The following PTBP3 variants were observed in gnomAD, a reference collection of about 807,000 sequenced individuals.
PTBP3 encodes polypyrimidine tract-binding protein 3.
A neutral mutation model predicts 58.7 loss-of-function variants in PTBP3; 20 were observed. The observed-to-expected ratio is 0.34, with a 90% CI of 0.24 to 0.50. The LOEUF (loss-of-function observed/expected upper bound fraction) is 0.50. PTBP3 is among the 20% of genes least tolerant of loss of function. PTBP3 has a pLI of 0.98. For synonymous variants in PTBP3, 185 were observed against 219.8 expected (o/e 0.84, Z 1.40); for missense variants, 509 against 637.2 (o/e 0.80, Z 2.17).
At chr9:112,323,216 G>A (rs1830023241) in intron 1 of PTBP3, among the ~76,000 whole-genome samples, 1 of 152,182 alleles carries the variant, frequency 6.6e-6, no homozygotes. Context: ...TCATGCCACT[G>A]CACTCTAGCC....
intron 7 of PTBP3, among the ~76,000 whole-genome samples, chr9:112,236,341 T>C (rs1835437440): frequency 6.6e-6 from 1 of 152,120 alleles, no homozygotes; most frequent in Admixed American, 6.6e-5. Flanking sequence ...GTTGAGAGCA[T>C]ATCATGAGCT....
rs1454087572 is a variant in PTBP3, at chr9:112,218,774, T to G, written c.*5077A>C. ...CAATTGATGTTTTATATAAAACCACTTTATAAGTTCATTTGTTCCCAAAAA... is the reference window on the plus strand; with the variant it reads ...CAATTGATGTTTTATATAAAACCACGTTATAAGTTCATTTGTTCCCAAAAA... On this transcript the variant is annotated 3_prime_UTR_variant, in exon 14 of 14. Transcript: ENST00000374257. 2 of 152,658 alleles carry G rather than the reference T, an allele frequency of 1.3e-5. No individual in the cohort carries two copies. Among genetic ancestry groups the G allele is most frequent in the African/African-American group, 4.8e-5 (2 of 41,456 alleles). 9.5% of individuals were successfully genotyped at this position (152,658 alleles called of 1,614,324 possible). A position where few individuals can be genotyped will look rare whatever the true frequency, so the allele number is the denominator to read the frequency against.
chr9:112,272,203 C>G (rs1384508213), intron 3 of PTBP3, among the ~76,000 whole-genome samples: 2 of 152,088 alleles, frequency 1.3e-5, no homozygotes, highest in Non-Finnish European at 2.9e-5. Flanking sequence ...GCTGGGACTA[C>G]AGGTGGGTGC....
intron 1 of PTBP3, among the ~76,000 whole-genome samples, chr9:112,318,747 G>C (rs1829803547): frequency 6.8e-6 from 1 of 147,716 alleles, no homozygotes; most frequent in African/African-American, 2.5e-5. Context: ...GCAACAGAGT[G>C]AGACTGTCTC....
intron 1 of PTBP3, chr9:112,332,721 CCATTAAATTTTTGAG>C: frequency 6.3e-7 from 1 of 1,587,808 alleles, no homozygotes; most frequent in East Asian, 2.3e-5. Flanking sequence ...TCACGGACCC[CCATTAAATTTTTGAG>C]CATTTGAAAT....
the PTBP3 span, among the ~76,000 whole-genome samples, chr9:112,356,398 G>A: frequency 6.6e-6 from 1 of 152,092 alleles, no homozygotes; most frequent in Admixed American, 6.6e-5. Context: ...GAGGTGCAGT[G>A]TTTTTGCTGG....
the PTBP3 span, among the ~76,000 whole-genome samples, chr9:112,347,341 C>CTTT: frequency 0.028 from 3,636 of 130,828 alleles, 149 homozygotes; most frequent in African/African-American, 0.08. Flanking sequence ...ACTGGGATAC[C>CTTT]TTTTTTTTTT....
chr9:112,291,797 C>T (rs1828442743), intron 2 of PTBP3, among the ~76,000 whole-genome samples: 1 of 152,154 alleles, frequency 6.6e-6, no homozygotes, highest in Admixed American at 6.5e-5. Flanking sequence ...AGCTTCATGA[C>T]AGTGGATTTG....
At chr9:112,298,445 T>A (rs147751329) in intron 1 of PTBP3, 171 of 377,484 alleles carry the variant, frequency 4.5e-4, no homozygotes, top group African/African-American at 3.4e-3. Flanking sequence ...TTACTCTTTT[T>A]TTCAGGTAAG....
intron 1 of PTBP3, among the ~76,000 whole-genome samples, chr9:112,314,738 G>A (rs547063282): frequency 1.9e-4 from 29 of 151,870 alleles, no homozygotes; most frequent in Middle Eastern, 3.5e-3. Context: ...CTACAATTGC[G>A]GACAGAAATT....
At position 112,220,832 on chromosome 9, in the gene PTBP3, G is replaced by A. The variant is rs1250085207; in HGVS notation, c.*3019C>T. 25 of 971,262 alleles carry A rather than the reference G, an allele frequency of 2.6e-5. No individual in the cohort carries two copies. Among genetic ancestry groups the A allele is most frequent in the Non-Finnish European group, 2.9e-5 (24 of 817,288 alleles). 60.2% of individuals were successfully genotyped at this position (971,262 alleles called of 1,614,324 possible). On this transcript the variant is annotated 3_prime_UTR_variant, in exon 14 of 14. Transcript: ENST00000374257. ...CTGAATATATATACTTTGTGTAGAA[G>A]TCAAGACACCTTGAAAAGTGATGAC...
rs377730562 is a variant in PTBP3 at position 112,262,845 on chromosome 9, A to C, written c.352-246T>G. On this transcript the variant is annotated intron_variant, in intron 4 of 13. Transcript: ENST00000374257. ...CTTGAAGAATAAAAACACATGGATA[A>C]AAGGAGAAAATCTGGATGTAATTTT... Among the ~76,000 whole-genome samples, 42 of 152,346 alleles carry C rather than the reference A, an allele frequency of 2.8e-4. No individual in the cohort carries two copies. In the South Asian group the frequency reaches 8.5e-3, roughly 31 times the overall value.
At chr9:112,375,646 T>C in the PTBP3 span, among the ~76,000 whole-genome samples, 4 of 152,112 alleles carry the variant, frequency 2.6e-5, no homozygotes, top group Admixed American at 6.5e-5. Context: ...CATGAGCATT[T>C]GAGCCACTTC....
intron 1 of PTBP3, among the ~76,000 whole-genome samples, chr9:112,321,929 A>T (rs923976037): frequency 2.0e-5 from 3 of 152,000 alleles, no homozygotes; most frequent in Non-Finnish European, 2.9e-5. Flanking sequence ...AGGCCAGGAG[A>T]TCAAGACCAT....
At chr9:112,281,212 C>T (rs1827850085) in intron 2 of PTBP3, 1 of 206,080 alleles carries the variant, frequency 4.9e-6, no homozygotes, top group Admixed American at 4.4e-5. Flanking sequence ...GTGAGTACAA[C>T]TTTATCTCCA....
At chr9:112,330,786 CA>C (rs1435017489) in intron 1 of PTBP3, among the ~76,000 whole-genome samples, 1 of 152,008 alleles carries the variant, frequency 6.6e-6, no homozygotes, top group Non-Finnish European at 1.5e-5. Flanking sequence ...AAAGCCAAAC[CA>C]AAACTTAAAA....
chr9:112,329,240 G>A (rs770314997), intron 1 of PTBP3, among the ~76,000 whole-genome samples: 5 of 151,944 alleles, frequency 3.3e-5, no homozygotes, highest in African/African-American at 9.7e-5. Context: ...TCGAAACCCC[G>A]TCTCTATTAA....
chr9:112,357,989 T>C, the PTBP3 span, among the ~76,000 whole-genome samples: 1 of 152,112 alleles, frequency 6.6e-6, no homozygotes, highest in African/African-American at 2.4e-5. Flanking sequence ...GTAAATTTTA[T>C]GTTAGGTATG....
At chr9:112,259,737 T>C (rs1278874997) in intron 5 of PTBP3, among the ~76,000 whole-genome samples, 1 of 152,204 alleles carries the variant, frequency 6.6e-6, no homozygotes, top group Admixed American at 6.5e-5. Context: ...CAGCAAAGAA[T>C]ATAATAAAAT....
Sources: allele counts gnomAD v4.1 joint callset (sites outside exome capture counted in the v4.1 genomes callset), GRCh38; gene constraint gnomAD v4.1.1; transcripts MANE v1.5; gene names NCBI Gene and HGNC (gene_info 2026-07-23, HGNC 2026-07-21).